ROBO1: variants seen among roughly 807,000 people sequenced by gnomAD.
The protein encoded by ROBO1 is roundabout guidance receptor 1.
Under a neutral mutation model 195.9 loss-of-function variants are expected in ROBO1, and 149 were observed. The observed-to-expected ratio is 0.76, with a 90% CI of 0.67 to 0.87. The LOEUF (loss-of-function observed/expected upper bound fraction) is 0.87. Among genes scored for constraint, ROBO1 ranks in the 40% least tolerant of loss-of-function variants. ROBO1 has a pLI of 0.00. For synonymous variants in ROBO1, 816 were observed against 733.2 expected, an observed-to-expected ratio of 1.11 and a Z score of -1.82; for missense variants, 1,933 against 2,068.3, an observed-to-expected ratio of 0.93 and a Z score of 1.27.
chr3:79,119,943 T>C (rs1487923786), intron 3 of ROBO1, among the ~76,000 whole-genome samples: 1 of 152,104 alleles, frequency 6.6e-6, no homozygotes, highest in Non-Finnish European at 1.5e-5. Flanking sequence ...GCTAAGTTTT[T>C]GTATTTTTAG....
intron 3 of ROBO1, among the ~76,000 whole-genome samples, chr3:78,957,707 C>T (rs1039515872): frequency 3.3e-5 from 5 of 152,118 alleles, no homozygotes; most frequent in East Asian, 1.9e-4. Context: ...GGATTTAAAC[C>T]GATTAACAGG....
chr3:78,712,141 T>C (rs2081776037), intron 8 of ROBO1, among the ~76,000 whole-genome samples: 1 of 152,002 alleles, frequency 6.6e-6, no homozygotes, highest in Non-Finnish European at 1.5e-5. Context: ...GTAAGGTAAT[T>C]TATTCCCACA....
chr3:79,750,770 C>T (rs1026172525), intron 1 of ROBO1, among the ~76,000 whole-genome samples: 1 of 152,150 alleles, frequency 6.6e-6, no homozygotes, highest in African/African-American at 2.4e-5. Flanking sequence ...CCATTAAAAC[C>T]TCTTTTTCTT....
intron 2 of ROBO1, among the ~76,000 whole-genome samples, chr3:79,520,445 G>A (rs1014065655): frequency 2.6e-5 from 4 of 152,226 alleles, no homozygotes; most frequent in Admixed American, 6.5e-5. Context: ...TAAGCTCTGG[G>A]TCTTAAGGCA....
chr3:78,772,899 C>G (rs1386673482), intron 4 of ROBO1, among the ~76,000 whole-genome samples: 1 of 151,990 alleles, frequency 6.6e-6, no homozygotes, highest in Non-Finnish European at 1.5e-5. Flanking sequence ...GGATTCCATC[C>G]TAGGTTTGTC....
In ROBO1 at chr3:78,600,199, G is replaced by A; in HGVS notation, c.4855C>T (p.Gln1619Ter). 6.2e-7 allele frequency: 1 copy of A among 1,613,504 alleles called. No individual in the cohort carries two copies. Among genetic ancestry groups the A allele is most frequent in the Non-Finnish European group, 8.5e-7 (1 of 1,179,568 alleles). The change falls in exon 30 of 31, where the codon CAA (glutamine) becomes TAA (stop). Residue 1619 changes from glutamine (Q) to a stop codon, truncating the protein, a stop_gained. Transcript: ENST00000464233. LOFTEE classifies it high-confidence loss of function. ...SRGSGSRQRE[Q>*]ANVGRRNIAE... ...ATATTTCTTCGACCTACATTTGCTT[G>A]TTCTCTTTGTCTGCTTCCTGATCCT...
intron 3 of ROBO1, among the ~76,000 whole-genome samples, chr3:78,990,374 C>T (rs1159175643): frequency 1.3e-5 from 2 of 152,146 alleles, no homozygotes; most frequent in East Asian, 3.8e-4. Flanking sequence ...CCGCTACGAG[C>T]ATATATTTCA....
intron 2 of ROBO1, among the ~76,000 whole-genome samples, chr3:79,548,198 T>C (rs1028703301): frequency 6.6e-6 from 1 of 152,194 alleles, no homozygotes; most frequent in Non-Finnish European, 1.5e-5. Flanking sequence ...CCTACCTCTT[T>C]ACTCCTGACC....
intron 7 of ROBO1, chr3:78,715,244 A>C (rs982040575): frequency 2.6e-5 from 4 of 152,174 alleles, no homozygotes; most frequent in African/African-American, 7.2e-5. Flanking sequence ...TAGGCACCTA[A>C]TATTTAATGT....
In ROBO1 at chr3:78,969,657, G is replaced by T. The variant is rs190421378; in HGVS notation, c.173-30730C>A. On this transcript the variant is annotated intron_variant, in intron 3 of 30. Coordinates refer to ENST00000464233, the MANE Select transcript of ROBO1 (RefSeq NM_002941.4). ...ATGCTGCATGTGTTGCACTGAAACA[G>T]CAGCCTATTGTGACGTGTCTGGCAG... Among the ~76,000 whole-genome samples the T allele has an allele frequency of 1.1e-3, 172 of 152,262 alleles. 4 individuals are homozygous for T. The highest frequency in any genetic ancestry group is 3.1e-3 in the Admixed American group (48 of 15,294).
chr3:78,859,987 G>A (rs2034694973), intron 4 of ROBO1, among the ~76,000 whole-genome samples: 1 of 151,912 alleles, frequency 6.6e-6, no homozygotes, highest in South Asian at 2.1e-4. Context: ...GCTGAGGCAG[G>A]AGAATGGCAT....
chr3:78,665,561 T>A (rs1212408496), intron 14 of ROBO1, among the ~76,000 whole-genome samples: 1 of 152,222 alleles, frequency 6.6e-6, no homozygotes, highest in African/African-American at 2.4e-5. Flanking sequence ...TTTCTCAGTT[T>A]TACGACATCC....
At chr3:78,905,049 A>C (rs574530819) in intron 4 of ROBO1, among the ~76,000 whole-genome samples, 1 of 152,172 alleles carries the variant, frequency 6.6e-6, no homozygotes, top group East Asian at 1.9e-4. Flanking sequence ...TTTCTAAATA[A>C]TTTCCTAAGT....
chr3:79,382,248 AT>A (rs1163904139), intron 2 of ROBO1, among the ~76,000 whole-genome samples: 1 of 152,210 alleles, frequency 6.6e-6, no homozygotes, highest in Non-Finnish European at 1.5e-5. Flanking sequence ...TCAAGAATAT[AT>A]TTTTAAAAAG....
intron 2 of ROBO1, among the ~76,000 whole-genome samples, chr3:79,318,370 G>A (rs1033460289): frequency 1.4e-4 from 21 of 152,054 alleles, no homozygotes; most frequent in African/African-American, 4.8e-4. Flanking sequence ...CTTCCTTCTT[G>A]GAATTCCCAT....
At chr3:79,004,543 T>A (rs76498869) in intron 3 of ROBO1, among the ~76,000 whole-genome samples, 1,772 of 152,138 alleles carry the variant, frequency 0.012, 27 homozygotes, top group Non-Finnish European at 0.016. Context: ...ACATAAGAAA[T>A]ACATCAAATC....
chr3:79,510,900 A>G (rs370869741), intron 2 of ROBO1, among the ~76,000 whole-genome samples: 37 of 152,302 alleles, frequency 2.4e-4, no homozygotes, highest in African/African-American at 8.9e-4. Flanking sequence ...AAATTAAATG[A>G]TGCTTAGAAG....
chr3:79,654,832 T>G (rs1232789614), intron 1 of ROBO1, among the ~76,000 whole-genome samples: 1 of 152,060 alleles, frequency 6.6e-6, no homozygotes. Context: ...TCTGATAAAC[T>G]ATTCCTATTT....
chr3:78,903,098 T>G (rs2037683791), intron 4 of ROBO1, among the ~76,000 whole-genome samples: 1 of 152,106 alleles, frequency 6.6e-6, no homozygotes, highest in Non-Finnish European at 1.5e-5. Flanking sequence ...AGAAACACAA[T>G]TCTCTTCAAA....
Sources: allele counts gnomAD v4.1 joint callset (sites outside exome capture counted in the v4.1 genomes callset), GRCh38; gene constraint gnomAD v4.1.1; transcripts MANE v1.5; gene names NCBI Gene and HGNC (gene_info 2026-07-23, HGNC 2026-07-21).